GLT1D1: variants seen among roughly 807,000 people sequenced by gnomAD.
The protein encoded by GLT1D1 is glycosyltransferase 1 domain containing 1, also known as glycosyltransferase 1 domain-containing protein 1.
In GLT1D1, 21 loss-of-function variants were observed where a neutral mutation model predicts 28.7. The observed-to-expected ratio is 0.73, with a 90% CI of 0.52 to 1.05. GLT1D1 has a LOEUF of 1.05. GLT1D1 is among the 50% of genes least tolerant of loss of function. The probability of loss-of-function intolerance (pLI) is 0.00; values close to 1 mark genes in which losing one functional copy is unlikely to be tolerated. For synonymous variants in GLT1D1, 147 were observed against 124.8 expected (o/e 1.18, Z -1.19); for missense variants, 343 against 330.6 (o/e 1.04, Z -0.29).
chr12:128,977,991 G>A (rs533354257), intron 7 of GLT1D1, among the ~76,000 whole-genome samples: 49 of 151,766 alleles, frequency 3.2e-4, no homozygotes, highest in Non-Finnish European at 4.6e-4. Flanking sequence ...AACCATGTTG[G>A]CCAGGTTGGT....
intron 4 of GLT1D1, among the ~76,000 whole-genome samples, chr12:128,920,913 A>T (rs1039606888): frequency 6.6e-6 from 1 of 152,256 alleles, no homozygotes; most frequent in Non-Finnish European, 1.5e-5. Flanking sequence ...TTATTAAAAA[A>T]ATTAGTCAGG....
chr12:128,853,587 G>A lies in GLT1D1; in HGVS notation c.6G>A (p.Arg2=), dbSNP rs1311388749. Reference sequence around the variant, plus strand: ...GCCCGGGCGGCGGCGGCGGCATGCGGCTCCTGTTCCTGGCGGTGCTGCGGC... The same window carrying A: ...GCCCGGGCGGCGGCGGCGGCATGCGACTCCTGTTCCTGGCGGTGCTGCGGC... Residue 2 remains arginine (R), a synonymous_variant, in exon 1 of 8, where the codon CGG becomes CGA. Coordinates refer to ENST00000281703, the MANE Select transcript of GLT1D1 (RefSeq NM_144669.3). 2.6e-6 allele frequency: 3 copies of A among 1,150,660 alleles called. No homozygotes were observed. Among genetic ancestry groups the A allele is most frequent in the South Asian group, 2.6e-5 (1 of 38,954 alleles). The allele number at this position is 1,150,660 out of a possible 1,614,324, so 71.3% of individuals were successfully genotyped here.
At chr12:128,926,527 T>C in intron 4 of GLT1D1, 73 bp downstream of exon 7, 1 of 766,132 alleles carries the variant, frequency 1.3e-6, no homozygotes. Flanking sequence ...ATTTCTCTCT[T>C]CAGGGCCCTG....
At chr12:128,898,149 C>T (rs1044570455) in intron 3 of GLT1D1, among the ~76,000 whole-genome samples, 5 of 150,944 alleles carry the variant, frequency 3.3e-5, no homozygotes, top group South Asian at 2.1e-4. Flanking sequence ...CCTCTTCTTC[C>T]TCCTCCTCCT....
At chr12:128,914,850 A>G in intron 4 of GLT1D1, 83 bp from the exon 6 acceptor site, 3 of 916,662 alleles carry the variant, frequency 3.3e-6, no homozygotes, top group East Asian at 2.6e-5. Flanking sequence ...AATAATAATA[A>G]TAAGCCTCAA....
intron 4 of GLT1D1, among the ~76,000 whole-genome samples, chr12:128,909,625 A>C (rs1031861699): frequency 6.6e-6 from 1 of 152,206 alleles, no homozygotes; most frequent in African/African-American, 2.4e-5. Context: ...TGTGGTTTCC[A>C]TTTGCAGAAA....
intron 3 of GLT1D1, among the ~76,000 whole-genome samples, chr12:128,893,227 A>G (rs1869262111): frequency 6.6e-6 from 1 of 152,196 alleles, no homozygotes; most frequent in African/African-American, 2.4e-5. Flanking sequence ...CCTGGGTGAA[A>G]GAGGGAGACT....
At chr12:128,907,708 G>T (rs1412355079) in intron 4 of GLT1D1, among the ~76,000 whole-genome samples, 1 of 152,076 alleles carries the variant, frequency 6.6e-6, no homozygotes, top group Admixed American at 6.6e-5. Context: ...TTGTTTGTTT[G>T]TTTGCCCCCA....
chr12:128,880,550 T>A (rs1373082840), intron 2 of GLT1D1, among the ~76,000 whole-genome samples: 1 of 152,230 alleles, frequency 6.6e-6, no homozygotes, highest in East Asian at 1.9e-4. Context: ...GAGCTGTCCC[T>A]GTGCACCGTG....
rs1184323444 is a variant in GLT1D1 at position 128,855,241 on chromosome 12, AAAC to A, written c.68+1607_68+1609del. Among the ~76,000 whole-genome samples the A allele has an allele frequency of 4.1e-3, 577 of 139,614 alleles. 48 individuals are homozygous for A. Among genetic ancestry groups the A allele is most frequent in the Middle Eastern group, 0.012 (3 of 252 alleles). 91.6% of individuals were successfully genotyped at this position (139,614 alleles called of 152,430 possible). ...CTCCATCTAAAAAAAAAAAAAAAAA[AAAC>A]AACAACAACAACAAAAAAAACAAAA... On this transcript the variant is annotated intron_variant, in intron 1 of 7. Transcript: ENST00000281703.
At chr12:128,978,737 C>G (rs1379647887) in intron 7 of GLT1D1, among the ~76,000 whole-genome samples, 1 of 152,080 alleles carries the variant, frequency 6.6e-6, no homozygotes, top group Admixed American at 6.5e-5. Flanking sequence ...ATGGCTACTC[C>G]GTAGACAGAG....
chr12:128,876,895 T>C (rs1956882342), intron 2 of GLT1D1, among the ~76,000 whole-genome samples: 3 of 152,200 alleles, frequency 2.0e-5, no homozygotes, highest in Admixed American at 1.3e-4. Context: ...ACAGAAATGA[T>C]TTACGTCTCT....
chr12:128,894,314 C>A (rs1267751344), intron 3 of GLT1D1, among the ~76,000 whole-genome samples: 1 of 152,120 alleles, frequency 6.6e-6, no homozygotes, highest in Non-Finnish European at 1.5e-5. Flanking sequence ...TCGGGGCAGG[C>A]ACAGACAGGG....
At chr12:128,945,701 T>G (rs1420526272) in intron 5 of GLT1D1, among the ~76,000 whole-genome samples, 2 of 152,198 alleles carry the variant, frequency 1.3e-5, no homozygotes, top group Non-Finnish European at 2.9e-5. Flanking sequence ...TGGTTATAAG[T>G]TGCATTTGTC....
intron 4 of GLT1D1, among the ~76,000 whole-genome samples, chr12:128,906,003 T>A (rs1410368977): frequency 7.6e-6 from 1 of 132,112 alleles, no homozygotes; most frequent in Non-Finnish European, 1.7e-5. Context: ...TGGCTGAAAT[T>A]TTGACTTTTT....
chr12:128,982,577 G>A (rs1361638658), intron 7 of GLT1D1, among the ~76,000 whole-genome samples: 1 of 152,172 alleles, frequency 6.6e-6, no homozygotes, highest in African/African-American at 2.4e-5. Flanking sequence ...AAGACATTGT[G>A]GATCTGAGAG....
intron 7 of GLT1D1, among the ~76,000 whole-genome samples, chr12:128,966,225 G>A (rs1317618323): frequency 1.3e-5 from 2 of 152,242 alleles, no homozygotes; most frequent in African/African-American, 2.4e-5. Context: ...TGGGAGCCAG[G>A]GCTGAGCTGA....
At chr12:128,943,779 A>G (rs1224945344) in intron 4 of GLT1D1, among the ~76,000 whole-genome samples, 1 of 152,222 alleles carries the variant, frequency 6.6e-6, no homozygotes, top group East Asian at 1.9e-4. Flanking sequence ...CAAATCTGTA[A>G]ACCCACTTGC....
chr12:128,908,978 A>AAAT (rs1871256214), intron 4 of GLT1D1, among the ~76,000 whole-genome samples: 1 of 146,436 alleles, frequency 6.8e-6, no homozygotes, highest in East Asian at 2.1e-4. Flanking sequence ...AATAAATAAA[A>AAAT]AATAAACACG....
Sources: allele counts gnomAD v4.1 joint callset (sites outside exome capture counted in the v4.1 genomes callset), GRCh38; gene constraint gnomAD v4.1.1; transcripts MANE v1.5; gene names NCBI Gene and HGNC (gene_info 2026-07-23, HGNC 2026-07-21).